The following SUV39H2 variants were observed in gnomAD, a reference collection of about 807,000 sequenced individuals.
The protein encoded by SUV39H2 is histone-lysine N-methyltransferase SUV39H2.
A neutral mutation model predicts 47.5 loss-of-function variants in SUV39H2; 10 were observed. The ratio of observed to expected loss-of-function variants is 0.21; its 90% CI spans 0.13 to 0.36. The LOEUF is 0.36. SUV39H2 is among the 10% of genes least tolerant of loss of function. The probability of loss-of-function intolerance (pLI) is 1.00; values close to 1 mark genes in which losing one functional copy is unlikely to be tolerated. For missense variants in SUV39H2, 266 were observed against 487.4 expected (o/e 0.55, Z 4.28); for synonymous variants, 159 against 166.8 (o/e 0.95, Z 0.36).
chr10:14,897,714 A>G (rs1833683999), intron 3 of SUV39H2, 197 bp downstream of exon 3: 1 of 392,246 alleles, frequency 2.5e-6, no homozygotes, highest in East Asian at 3.9e-5. Context: ...AATAAAAAAT[A>G]TACGTTAAAA....
At chr10:14,879,159 A>C (rs114727491) in intron 1 of SUV39H2, 48,743 of 1,206,408 alleles carry the variant, frequency 0.04, 1,223 homozygotes, top group East Asian at 0.1. Flanking sequence ...GGCACTTCGG[A>C]AGTGGAGCGT....
chr10:14,880,173 A>G (rs1833001285), intron 1 of SUV39H2: 1 of 152,208 alleles, frequency 6.6e-6, no homozygotes, highest in Admixed American at 6.5e-5. Context: ...TACAAAGCCA[A>G]TCAGCCTCTT....
chr10:14,888,007 G>A (rs1026087305), intron 2 of SUV39H2, among the ~76,000 whole-genome samples: 2 of 152,202 alleles, frequency 1.3e-5, no homozygotes, highest in Admixed American at 1.3e-4. Context: ...GCAAGTAAGA[G>A]GGAGCATGTG....
In SUV39H2 at chr10:14,897,279, C is replaced by T; in HGVS notation, c.611C>T (p.Ala204Val). 6.2e-7 allele frequency: 1 copy of T among 1,613,878 alleles called. No homozygotes were observed. The highest frequency in any genetic ancestry group is 8.5e-7 in the Non-Finnish European group (1 of 1,180,008). ...TDCFFQKCCP[A>V]EAGVLLAYNK... ...TGCTTCTTTCAAAAATGTTGTCCTG[C>T]TGAAGCTGGAGTTCTTTTGGCTTAT... is the stretch of plus-strand genomic sequence containing the variant. Residue 204 changes from alanine (A) to valine (V), a missense_variant, in exon 3 of 6, where the codon GCT becomes GTT. Around this residue, in one of 4 missense-constraint regions of SUV39H2, gnomAD observed 112 missense variants for 271.9 expected, o/e 0.41. Transcript: ENST00000354919.
At chr10:14,895,035 T>C (rs1395790205) in intron 2 of SUV39H2, among the ~76,000 whole-genome samples, 1 of 152,176 alleles carries the variant, frequency 6.6e-6, no homozygotes, top group Non-Finnish European at 1.5e-5. Flanking sequence ...CACCTTTTTA[T>C]CTTAGAAGAC....
Position 14,894,372 on chromosome 10 carries a change from T to TG in SUV39H2, c.178-2474_178-2473insG, listed in dbSNP as rs1588845239. Among the ~76,000 whole-genome samples, 3 of 52,260 alleles carry TG rather than the reference T, an allele frequency of 5.7e-5. No individual in the cohort carries two copies. In the East Asian group the frequency reaches 2.0e-3, roughly 34 times the overall value. 34.3% of individuals were successfully genotyped at this position (52,260 alleles called of 152,430 possible). A position where few individuals can be genotyped will look rare whatever the true frequency, so the allele number is the denominator to read the frequency against. On this transcript the variant is annotated intron_variant, in intron 2 of 5. Coordinates refer to ENST00000354919, the MANE Select transcript of SUV39H2 (RefSeq NM_001193424.2). ...AAAGCAAAGTTTTTTTTTTTTTTTT[T>TG]TTTTTTTTTTTTTGAGACGGAGTCT...
In SUV39H2 at chr10:14,901,181, A is replaced by G; in HGVS notation, c.1045A>G (p.Thr349Ala). 1 of 1,614,030 alleles carries G rather than the reference A, an allele frequency of 6.2e-7. No individual in the cohort carries two copies. Among genetic ancestry groups the G allele is most frequent in the Non-Finnish European group, 8.5e-7 (1 of 1,179,954 alleles). ...VFNVFIDNLD[T>A]RLPRIALFST... ...CAATGTTTTCATTGATAACCTCGAT[A>G]CTCGTCTTCCCCGAATAGCATTGTT... Residue 349 changes from threonine to alanine, a missense_variant, in exon 5 of 6, where the codon ACT (threonine) becomes GCT (alanine). Thr to Ala is a moderately conservative substitution (Grantham distance 58). Coordinates refer to ENST00000354919, the MANE Select transcript of SUV39H2 (RefSeq NM_001193424.2).
chr10:14,879,192 G>T, intron 1 of SUV39H2: 10 of 1,098,388 alleles, frequency 9.1e-6, no homozygotes, highest in Non-Finnish European at 1.1e-5. Context: ...CGCTCGGCCC[G>T]GCCCCCTCCG....
intron 2 of SUV39H2, among the ~76,000 whole-genome samples, chr10:14,883,704 CAAAAAAAA>C (rs58522342): frequency 8.0e-5 from 4 of 50,028 alleles, no homozygotes; most frequent in East Asian, 7.8e-4. Flanking sequence ...GACTCAGTCT[CAAAAAAAA>C]AAAAAAAAAA....
chr10:14,896,695 C>T, intron 2 of SUV39H2, 151 bp from the exon 3 acceptor site: 1 of 559,636 alleles, frequency 1.8e-6, no homozygotes. Context: ...ATGATTTATA[C>T]TTCATGTGTT....
In SUV39H2 at chr10:14,902,600, C is replaced by A; in HGVS notation, c.*88C>A. On this transcript the variant is annotated 3_prime_UTR_variant, in exon 6 of 6. Transcript: ENST00000354919. ...AATACATATTTGGGACTCTTATTAT[C>A]AAGGTTCTACCTATGTTAATTTACA... The A allele has an allele frequency of 1.3e-6, 1 of 784,568 alleles. No individual in the cohort carries two copies. Among genetic ancestry groups the A allele is most frequent in the Non-Finnish European group, 1.9e-6 (1 of 516,244 alleles). The allele number at this position is 784,568 out of a possible 1,614,324, so 48.6% of individuals were successfully genotyped here.
At chr10:14,901,088 G>T in intron 4 of SUV39H2, 45 bp from the exon 5 acceptor site, 1 of 1,605,902 alleles carries the variant, frequency 6.2e-7, no homozygotes, top group Non-Finnish European at 8.5e-7. Flanking sequence ...AGAAGGGCTT[G>T]TTTACACCGT....
intron 2 of SUV39H2, among the ~76,000 whole-genome samples, chr10:14,891,185 A>C (rs1330498266): frequency 6.6e-6 from 1 of 152,202 alleles, no homozygotes; most frequent in Non-Finnish European, 1.5e-5. Flanking sequence ...ATGAGCATTC[A>C]TTGGACCAGT....
In SUV39H2 at chr10:14,902,460, T is replaced by A; in HGVS notation, c.1181T>A (p.Val394Asp). 6.2e-7 allele frequency: 1 copy of A among 1,609,654 alleles called. No homozygotes were observed. The highest frequency in any genetic ancestry group is 8.5e-7 in the Non-Finnish European group (1 of 1,178,688). The change falls in exon 6 of 6, where the codon GTC becomes GAC. Residue 394 changes from valine (V) to aspartate (D), a missense_variant. Physicochemically the swap from Val to Asp is radical, Grantham distance 152. This residue lies in a region of SUV39H2 where 112 missense variants were observed against 271.9 expected (regional missense o/e 0.41). Transcript: ENST00000354919. ...GACCACAGCCCAGCCAAAAAGAGGG[T>A]CAGAACAGTATGTAAATGTGGAGCT... ...SIDHSPAKKR[V>D]RTVCKCGAVT...
At chr10:14,902,331 A>T in intron 5 of SUV39H2, 75 bp from the exon 6 acceptor site, 1 of 1,010,408 alleles carries the variant, frequency 9.9e-7, no homozygotes, top group South Asian at 1.7e-5. Flanking sequence ...TAAAGCTAAT[A>T]TAATAGAAAA....
Position 14,899,655 on chromosome 10 carries a change from C to T in SUV39H2, c.966C>T (p.Tyr322=), listed in dbSNP as rs17353856. 200,914 of 1,613,652 alleles carry T rather than the reference C, an allele frequency of 0.12. 13,659 individuals carry two copies. The highest frequency in any genetic ancestry group is 0.14 in the Non-Finnish European group (165,898 of 1,179,814). ...AATTCACAGTGGATGCGGCTCGATA[C>T]GGCAATGTGTCTCATTTTGTGAATC... ...SDEFTVDAAR[Y]GNVSHFVNHS... Residue 322 remains tyrosine (Y), a synonymous_variant, in exon 4 of 6, where the codon TAC becomes TAT. Transcript: ENST00000354919.
In SUV39H2 at chr10:14,902,423, T is replaced by G; in HGVS notation, c.1144T>G (p.Ser382Ala). 1.2e-6 allele frequency: 2 copies of G among 1,608,792 alleles called. No individual in the cohort carries two copies. The highest frequency in any genetic ancestry group is 1.7e-6 in the Non-Finnish European group (2 of 1,177,370). The change falls in exon 6 of 6, where the codon TCA becomes GCA. Residue 382 changes from serine to alanine, a missense_variant. Ser to Ala is a moderately conservative substitution (Grantham distance 99, BLOSUM62 1). Around this residue, in one of 4 missense-constraint regions of SUV39H2, gnomAD observed 112 missense variants for 271.9 expected, o/e 0.41. Transcript: ENST00000354919. Reference sequence around the variant, plus strand: ...GTCTTCAGGTTCTGGAGATATATCTTCAGATTCTATTGACCACAGCCCAGC... The same window carrying G: ...GTCTTCAGGTTCTGGAGATATATCTGCAGATTCTATTGACCACAGCCCAGC... ...YQMKGSGDIS[S>A]DSIDHSPAKK...
chr10:14,887,619 G>A (rs1833254297), intron 2 of SUV39H2, among the ~76,000 whole-genome samples: 1 of 152,152 alleles, frequency 6.6e-6, no homozygotes, highest in African/African-American at 2.4e-5. Flanking sequence ...CCTTGGGAGT[G>A]GATGCAGTTT....
chr10:14,892,997 G>GTTT (rs1833440185), intron 2 of SUV39H2, among the ~76,000 whole-genome samples: 1 of 128,662 alleles, frequency 7.8e-6, no homozygotes, highest in Non-Finnish European at 1.7e-5. Flanking sequence ...CTAATTTTTT[G>GTTT]TATTTTTTTT....
Sources: allele counts gnomAD v4.1 joint callset (sites outside exome capture counted in the v4.1 genomes callset), GRCh38; gene constraint gnomAD v4.1.1; regional missense constraint gnomAD v4.1.1; transcripts MANE v1.5; gene names NCBI Gene and HGNC (gene_info 2026-07-23, HGNC 2026-07-21).